PLCL1: variants seen among roughly 807,000 people sequenced by gnomAD.
PLCL1 encodes the protein phospholipase C like 1 (inactive), also known as inactive phospholipase C-like protein 1.
Under a neutral mutation model 84.4 loss-of-function variants are expected in PLCL1, and 41 were observed. The observed-to-expected ratio is 0.49, with a 90% CI of 0.38 to 0.63. The LOEUF (loss-of-function observed/expected upper bound fraction) is 0.63, where lower values mean the gene tolerates loss of function less well. PLCL1 is among the 30% of genes least tolerant of loss of function. The pLI is 0.00. For missense variants in PLCL1, 1,206 were observed against 1,367.8 expected, an observed-to-expected ratio of 0.88 and a Z score of 1.87; for synonymous variants, 490 against 488.3, an observed-to-expected ratio of 1.00 and a Z score of -0.05.
chr2:198,069,557 T>G (rs1315821765), intron 1 of PLCL1, among the ~76,000 whole-genome samples: 2 of 152,208 alleles, frequency 1.3e-5, no homozygotes, highest in African/African-American at 4.8e-5. Flanking sequence ...TTACATGGGC[T>G]ATGAGAGCAT....
intron 1 of PLCL1, among the ~76,000 whole-genome samples, chr2:197,957,881 A>G (rs1177743170): frequency 6.6e-6 from 1 of 152,050 alleles, no homozygotes. Flanking sequence ...TAATTTTATC[A>G]TACAAGATCT....
intron 1 of PLCL1, among the ~76,000 whole-genome samples, chr2:198,004,766 CA>C (rs1250794829): frequency 6.6e-6 from 1 of 152,012 alleles, no homozygotes; most frequent in African/African-American, 2.4e-5. Flanking sequence ...TCTCATATGC[CA>C]AAAAATATGA....
intron 1 of PLCL1, among the ~76,000 whole-genome samples, chr2:197,833,200 A>G (rs1048670480): frequency 2.0e-5 from 3 of 152,232 alleles, no homozygotes; most frequent in Admixed American, 6.5e-5. Flanking sequence ...AGTACGAGCT[A>G]TTTATGACAA....
intron 1 of PLCL1, among the ~76,000 whole-genome samples, chr2:197,856,419 G>A (rs187005507): frequency 6.6e-6 from 1 of 152,152 alleles, no homozygotes; most frequent in East Asian, 1.9e-4. Context: ...TACAATGACA[G>A]TTTTCTAAAT....
rs1692866524 is a variant in PLCL1, at chr2:198,085,952, A to G, written c.2435A>G (p.Tyr812Cys). The change falls in exon 2 of 6, where the codon TAT (tyrosine) becomes TGT (cysteine). Residue 812 changes from tyrosine to cysteine, a missense_variant. Tyr to Cys is a radical substitution (Grantham distance 194). Coordinates refer to ENST00000428675, the MANE Select transcript of PLCL1 (RefSeq NM_006226.4). This position sits in a 1 kb window ranked among gnomAD's most constrained non-coding sequence, Gnocchi z 5.3. ...DYIGDEFIGQ[Y>C]TIPFECLQPG... ...ATTGGGGATGAGTTTATAGGGCAATATACGATACCATTTGAATGTTTGCAG... is the reference window on the plus strand; with the variant it reads ...ATTGGGGATGAGTTTATAGGGCAATGTACGATACCATTTGAATGTTTGCAG... 5 of 1,614,150 alleles carry G rather than the reference A, an allele frequency of 3.1e-6. No homozygotes were observed. Among genetic ancestry groups the G allele is most frequent in the Non-Finnish European group, 4.2e-6 (5 of 1,179,998 alleles).
intron 1 of PLCL1, among the ~76,000 whole-genome samples, chr2:197,897,033 T>C (rs916518674): frequency 6.6e-6 from 1 of 152,246 alleles, no homozygotes; most frequent in African/African-American, 2.4e-5. Flanking sequence ...TAGTATTTTG[T>C]GATTAAGCCA....
chr2:198,028,193 A>C lies in PLCL1; in HGVS notation c.241-55565A>C, dbSNP rs568142174. ...TTCTGTAAATCAAAGACTTTCTCAA[A>C]ATAAAAAGTTAAAAGTAAAAATTTA... On this transcript the variant is annotated intron_variant, in intron 1 of 5. Transcript: ENST00000428675. Among the ~76,000 whole-genome samples the C allele has an allele frequency of 9.8e-5, 15 of 152,338 alleles. 1 individual carries two copies. In the South Asian group the frequency reaches 3.1e-3, roughly 32 times the overall value.
At chr2:197,814,894 G>A (rs1690656957) in intron 1 of PLCL1, among the ~76,000 whole-genome samples, 1 of 152,178 alleles carries the variant, frequency 6.6e-6, no homozygotes, top group African/African-American at 2.4e-5. Flanking sequence ...TTCTGTGAAG[G>A]CTGATAGGGG....
chr2:198,098,596 G>C (rs1468939372), intron 3 of PLCL1, among the ~76,000 whole-genome samples: 1 of 152,208 alleles, frequency 6.6e-6, no homozygotes, highest in African/African-American at 2.4e-5. Flanking sequence ...GGTTGTCCAT[G>C]ATAGACTGTC....
intron 1 of PLCL1, among the ~76,000 whole-genome samples, chr2:197,974,296 G>A (rs1689924638): frequency 6.6e-6 from 1 of 152,178 alleles, no homozygotes; most frequent in South Asian, 2.1e-4. Flanking sequence ...GTCCTGGGCT[G>A]GAGATTTCAA....
rs546969170 is a variant in PLCL1 at position 197,880,241 on chromosome 2, T to TC, written c.240+74905dup. Among the ~76,000 whole-genome samples the TC allele has an allele frequency of 8.5e-4, 129 of 152,282 alleles. 1 individual carries two copies. The Middle Eastern group carries it at 0.01, about 12-fold the overall frequency. ...AATGATTATGAAATTAGATTTTTTT[T>TC]CCCTCTCTCTCTTTTTCTCTTCTAT... On this transcript the variant is annotated intron_variant, in intron 1 of 5. Transcript: ENST00000428675.
intron 1 of PLCL1, among the ~76,000 whole-genome samples, chr2:198,040,450 TG>T (rs1691632068): frequency 6.6e-6 from 1 of 152,058 alleles, no homozygotes; most frequent in Non-Finnish European, 1.5e-5. Flanking sequence ...GACCTATCAT[TG>T]GGTCTTCTTT....
chr2:198,107,405 C>T (rs1424518893), intron 5 of PLCL1, among the ~76,000 whole-genome samples: 1 of 151,860 alleles, frequency 6.6e-6, no homozygotes, highest in Non-Finnish European at 1.5e-5. Flanking sequence ...AGAATGCAGG[C>T]CCTGTGTGAT....
At position 197,870,402 on chromosome 2, in the gene PLCL1, G is replaced by A. The variant is rs564960186; in HGVS notation, c.240+65063G>A. 5.3e-5 allele frequency among the ~76,000 whole-genome samples: 8 copies of A among 152,158 alleles called. No homozygotes were observed. The South Asian group carries it at 1.5e-3, about 28-fold the overall frequency. On this transcript the variant is annotated intron_variant, in intron 1 of 5. Coordinates refer to ENST00000428675, the MANE Select transcript of PLCL1 (RefSeq NM_006226.4). ...AATGTAGGTTAGAGGCCTATGGTTC[G>A]TTTTTGTGGCGTTAAGAGTCCCACC... is the stretch of plus-strand genomic sequence containing the variant.
chr2:198,128,688 T>G (rs1694049647), intron 5 of PLCL1, among the ~76,000 whole-genome samples: 1 of 152,170 alleles, frequency 6.6e-6, no homozygotes, highest in African/African-American at 2.4e-5. Context: ...GCTGCATGAC[T>G]CCTAAACCAT....
chr2:197,981,210 C>T (rs1466921609), intron 1 of PLCL1, among the ~76,000 whole-genome samples: 2 of 152,142 alleles, frequency 1.3e-5, no homozygotes, highest in Non-Finnish European at 2.9e-5. Flanking sequence ...GACCTTTCCA[C>T]GTACATTAAG....
chr2:198,099,496 T>C (rs181936274), intron 3 of PLCL1, among the ~76,000 whole-genome samples: 16 of 152,198 alleles, frequency 1.1e-4, no homozygotes, highest in Admixed American at 2.6e-4. Flanking sequence ...CTCAATACAA[T>C]AGAAGCTGTT....
chr2:198,040,278 G>A (rs967924659), intron 1 of PLCL1, among the ~76,000 whole-genome samples: 6 of 152,112 alleles, frequency 3.9e-5, no homozygotes, highest in Non-Finnish European at 7.4e-5. Context: ...ACTGGCTCTT[G>A]GGCTTCATGT....
chr2:198,067,815 T>C (rs1692355982), intron 1 of PLCL1, among the ~76,000 whole-genome samples: 1 of 152,210 alleles, frequency 6.6e-6, no homozygotes. Flanking sequence ...AAATTAAAAC[T>C]TCTTAGAAAG....
Sources: gnomAD v4.1 joint callset for allele counts (sites outside exome capture counted in the v4.1 genomes callset) on GRCh38, gnomAD v4.1.1 for gene constraint, Gnocchi (gnomAD v3.1) non-coding constraint, MANE v1.5 for transcripts, NCBI Gene and HGNC (gene_info 2026-07-23, HGNC 2026-07-21) for gene names.